Variants in MFHAS1 observed in about 807,000 individuals in gnomAD.
The protein encoded by MFHAS1 is multifunctional ROCO family signaling regulator 1.
MFHAS1 carries 50 observed loss-of-function variants against 70.4 expected under a neutral mutation model. The ratio of observed to expected loss-of-function variants is 0.71; its 90% CI spans 0.57 to 0.90. The LOEUF is 0.90. Among genes scored for constraint, MFHAS1 ranks in the 40% least tolerant of loss-of-function variants. The pLI is 0.00. For missense variants in MFHAS1, 1,795 were observed against 1,347.6 expected (o/e 1.33, Z -5.20); for synonymous variants, 952 against 620.0 (o/e 1.54, Z -7.96).
rs1207885339 is a variant in MFHAS1 at position 8,892,656 on chromosome 8, T to A, written c.403A>T (p.Arg135Trp). ...CTGAGGTTGAGCTTCCGCAGCTCCC[T>A]CAGAGCACTCACCACCTCCGCGCCC... The part of the protein sequence containing the change: ...ALGAEVVSAL[R>W]ELRKLNLSHN... The change falls in exon 1 of 3, where the codon AGG becomes TGG. Residue 135 changes from arginine (R) to tryptophan (W), a missense_variant. By Grantham distance (101) the Arg-to-Trp change is moderately radical. Transcript: ENST00000276282. This position sits in a 1 kb window ranked among gnomAD's most constrained non-coding sequence, Gnocchi z 4.7. 2.5e-6 allele frequency: 4 copies of A among 1,590,574 alleles called. No homozygotes were observed. In the African/African-American group the frequency reaches 5.4e-5, roughly 21 times the overall value.
chr8:8,836,133 C>T (rs577982661), intron 1 of MFHAS1, among the ~76,000 whole-genome samples: 3 of 152,354 alleles, frequency 2.0e-5, no homozygotes, highest in Admixed American at 6.5e-5. Flanking sequence ...GAAAACCAAA[C>T]ACCTCAGTGA....
chr8:8,808,777 G>A (rs1230124094), intron 1 of MFHAS1, among the ~76,000 whole-genome samples: 4 of 152,166 alleles, frequency 2.6e-5, no homozygotes, highest in Non-Finnish European at 5.9e-5. Context: ...GATGGCAATT[G>A]GGTTTGGTGC....
intron 1 of MFHAS1, among the ~76,000 whole-genome samples, chr8:8,815,359 T>G (rs189970622): frequency 1.3e-5 from 2 of 152,242 alleles, no homozygotes; most frequent in Non-Finnish European, 2.9e-5. Context: ...CAGAATGATT[T>G]ATATTCCTTT....
intron 1 of MFHAS1, among the ~76,000 whole-genome samples, chr8:8,829,692 C>G (rs142428081): frequency 1.8e-4 from 27 of 152,296 alleles, no homozygotes; most frequent in African/African-American, 6.0e-4. Flanking sequence ...AACCAACAAA[C>G]AAAAGATTGC....
intron 1 of MFHAS1, among the ~76,000 whole-genome samples, chr8:8,860,884 T>C (rs1426617948): frequency 1.2e-4 from 18 of 152,236 alleles, no homozygotes; most frequent in Admixed American, 1.2e-3. Flanking sequence ...CGCATACATA[T>C]TTATGTATAC....
chr8:8,821,402 G>C (rs1223982027), intron 1 of MFHAS1, among the ~76,000 whole-genome samples: 2 of 152,224 alleles, frequency 1.3e-5, no homozygotes, highest in African/African-American at 4.8e-5. Flanking sequence ...TATGTACAAA[G>C]ATCGAAGATC....
At chr8:8,797,230 C>A in intron 2 of MFHAS1, 135 bp downstream of exon 2, 1 of 890,436 alleles carries the variant, frequency 1.1e-6, no homozygotes, top group Non-Finnish European at 1.6e-6. Context: ...TGATGTCATC[C>A]AGAAGAATTA....
intron 1 of MFHAS1, among the ~76,000 whole-genome samples, chr8:8,850,311 CTAA>C (rs1205534988): frequency 2.0e-5 from 3 of 152,202 alleles, no homozygotes; most frequent in Non-Finnish European, 4.4e-5. Context: ...ACAATACACA[CTAA>C]TAATTTCCCA....
intron 1 of MFHAS1, among the ~76,000 whole-genome samples, chr8:8,816,912 A>C (rs1047035643): frequency 6.6e-6 from 1 of 152,208 alleles, no homozygotes; most frequent in Non-Finnish European, 1.5e-5. Flanking sequence ...AGACATATAT[A>C]AGCGTGGCTT....
At position 8,890,997 on chromosome 8, in the gene MFHAS1, GC is replaced by G; in HGVS notation, c.2061del (p.Arg688AlafsTer8). On this transcript the variant is annotated frameshift_variant, in exon 1 of 3. Transcript: ENST00000276282. LOFTEE classifies it high-confidence loss of function. ...GTCAGACCCGCCTGCAGGCCCAAGCGCGCCGAGTCCCACCAGCTTAGCCACA... is the reference window on the plus strand; with the variant it reads ...GTCAGACCCGCCTGCAGGCCCAAGCGGCCGAGTCCCACCAGCTTAGCCACA... Reference protein sequence around the residue: ...QRLWLSWWDSARLGLQAGLTE... With the variant: ...QRLWLSWWDSXRLGLQAGLTE... 1 of 1,613,890 alleles carries G rather than the reference GC, an allele frequency of 6.2e-7. No individual in the cohort carries two copies. Among genetic ancestry groups the G allele is most frequent in the African/African-American group, 1.3e-5 (1 of 75,036 alleles).
chr8:8,864,639 T>C (rs1421245165), intron 1 of MFHAS1, among the ~76,000 whole-genome samples: 1 of 152,230 alleles, frequency 6.6e-6, no homozygotes, highest in Non-Finnish European at 1.5e-5. Context: ...AGCTACTCTC[T>C]TCCTATCATT....
intron 1 of MFHAS1, among the ~76,000 whole-genome samples, chr8:8,884,466 C>G (rs1466873750): frequency 6.6e-6 from 1 of 152,148 alleles, no homozygotes; most frequent in Non-Finnish European, 1.5e-5. Flanking sequence ...AATTCTAAAA[C>G]TTAGATATAA....
chr8:8,861,729 T>G (rs915295734), intron 1 of MFHAS1, among the ~76,000 whole-genome samples: 1 of 152,206 alleles, frequency 6.6e-6, no homozygotes, highest in East Asian at 1.9e-4. Flanking sequence ...CCCTCTGCAG[T>G]AAATCCCTTC....
chr8:8,831,588 C>G (rs1807390672), intron 1 of MFHAS1, among the ~76,000 whole-genome samples: 1 of 150,682 alleles, frequency 6.6e-6, no homozygotes, highest in Non-Finnish European at 1.5e-5. Flanking sequence ...GAATAGAGTT[C>G]AGAAATAGAC....
At chr8:8,855,862 GA>G (rs898325518) in intron 1 of MFHAS1, among the ~76,000 whole-genome samples, 2 of 151,722 alleles carry the variant, frequency 1.3e-5, no homozygotes, top group African/African-American at 4.8e-5. Context: ...TCTCAAAAAA[GA>G]AAAAAACAAA....
At chr8:8,866,547 G>A (rs1051360791) in intron 1 of MFHAS1, among the ~76,000 whole-genome samples, 2 of 151,900 alleles carry the variant, frequency 1.3e-5, no homozygotes, top group African/African-American at 4.8e-5. Context: ...TCAACTCCTG[G>A]GCTCAAGCGA....
chr8:8,852,996 T>TA (rs989462198), intron 1 of MFHAS1, among the ~76,000 whole-genome samples: 1 of 152,106 alleles, frequency 6.6e-6, no homozygotes, highest in Admixed American at 6.6e-5. Flanking sequence ...GAAGGTGGCC[T>TA]AAAAAACCCA....
chr8:8,817,937 G>A lies in MFHAS1; in HGVS notation c.2999-20446C>T, dbSNP rs921102208. On this transcript the variant is annotated intron_variant, in intron 1 of 2. Transcript: ENST00000276282. ...TGAAACTGCTCACTCCTGCCCTGCAGCCCAGTTCCTAACAGCCCATGAACT... is the reference window on the plus strand; with the variant it reads ...TGAAACTGCTCACTCCTGCCCTGCAACCCAGTTCCTAACAGCCCATGAACT... 2.0e-5 allele frequency among the ~76,000 whole-genome samples: 3 copies of A among 152,196 alleles called. No individual in the cohort carries two copies. The South Asian group carries it at 6.2e-4, about 31-fold the overall frequency.
intron 1 of MFHAS1, among the ~76,000 whole-genome samples, chr8:8,887,687 G>GA (rs1027049274): frequency 1.3e-5 from 2 of 150,308 alleles, no homozygotes; most frequent in East Asian, 3.9e-4. Flanking sequence ...TTTCCACATT[G>GA]AAAAAAAATC....
Sources: gnomAD v4.1 joint callset for allele counts (sites outside exome capture counted in the v4.1 genomes callset) on GRCh38, gnomAD v4.1.1 for gene constraint, Gnocchi (gnomAD v3.1) non-coding constraint, MANE v1.5 for transcripts, NCBI Gene and HGNC (gene_info 2026-07-23, HGNC 2026-07-21) for gene names.